Variants in ANGPT4 observed in about 807,000 individuals in gnomAD.
ANGPT4 encodes the protein angiopoietin-4.
A neutral mutation model predicts 53.0 loss-of-function variants in ANGPT4; 50 were observed. The observed-to-expected ratio is 0.94, with a 90% CI of 0.75 to 1.20. The LOEUF (loss-of-function observed/expected upper bound fraction) is 1.20. Ranked by LOEUF, ANGPT4 falls within the 50% of genes most tolerant of loss-of-function variation. The probability of loss-of-function intolerance (pLI) is 0.00; values close to 1 mark genes in which losing one functional copy is unlikely to be tolerated. For missense variants in ANGPT4, 648 were observed against 637.1 expected, an observed-to-expected ratio of 1.02 and a Z score of -0.18; for synonymous variants, 251 against 259.7, an observed-to-expected ratio of 0.97 and a Z score of 0.32.
intron 1 of ANGPT4, 77 bp downstream of exon 1, chr20:915,829 G>C: frequency 1.3e-6 from 2 of 1,487,666 alleles, no homozygotes; most frequent in South Asian, 1.4e-5. Context: ...AGGCCTCTTG[G>C]ATGGACACTC....
In ANGPT4 at chr20:910,895, G is replaced by T. The variant is rs547594779; in HGVS notation, c.309+5011C>A. ...GGGTATCTGTGCCAGCTGTTTCCAGGCCCCCTTCTTGGAAAAATCATCCCA... is the reference window on the plus strand; with the variant it reads ...GGGTATCTGTGCCAGCTGTTTCCAGTCCCCCTTCTTGGAAAAATCATCCCA... On this transcript the variant is annotated intron_variant, in intron 1 of 8. Coordinates refer to ENST00000381922, the MANE Select transcript of ANGPT4 (RefSeq NM_015985.4). 3.0e-4 allele frequency among the ~76,000 whole-genome samples: 46 copies of T among 151,456 alleles called. No individual in the cohort carries two copies. The South Asian group carries it at 8.2e-3, about 27-fold the overall frequency.
At chr20:895,651 C>G (rs573897571) in intron 1 of ANGPT4, among the ~76,000 whole-genome samples, 107 of 152,308 alleles carry the variant, frequency 7.0e-4, no homozygotes, top group Admixed American at 1.6e-3. Context: ...CTGCTTCTCT[C>G]CTGCATTATT....
chr20:900,791 G>A (rs1014553235), intron 1 of ANGPT4, among the ~76,000 whole-genome samples: 2 of 151,984 alleles, frequency 1.3e-5, no homozygotes, highest in African/African-American at 4.8e-5. Flanking sequence ...AAACTTGCCA[G>A]TCAAGCAAAT....
At chr20:907,287 T>C (rs1202050229) in intron 1 of ANGPT4, among the ~76,000 whole-genome samples, 2 of 151,952 alleles carry the variant, frequency 1.3e-5, no homozygotes, top group East Asian at 3.9e-4. Flanking sequence ...GCAGGTCCAG[T>C]GTTCATCCCA....
chr20:912,380 G>A (rs1246707612), intron 1 of ANGPT4, among the ~76,000 whole-genome samples: 1 of 152,194 alleles, frequency 6.6e-6, no homozygotes, highest in Admixed American at 6.5e-5. Context: ...GTCCTAGAGG[G>A]AGGGCATGGT....
At chr20:902,962 A>T (rs1025961346) in intron 1 of ANGPT4, among the ~76,000 whole-genome samples, 1 of 152,154 alleles carries the variant, frequency 6.6e-6, no homozygotes, top group African/African-American at 2.4e-5. Context: ...CACTTCCCTG[A>T]GGTCACCCAT....
At position 872,794 on chromosome 20, in the gene ANGPT4, G is replaced by C; in HGVS notation, c.*166C>G. On this transcript the variant is annotated 3_prime_UTR_variant, in exon 9 of 9. Coordinates refer to ENST00000381922, the MANE Select transcript of ANGPT4 (RefSeq NM_015985.4). ...CCATGTCACAGACGGAGGGGAGTTG[G>C]GGGGCAGATGACCCTTCTGGACTTC... is the stretch of plus-strand genomic sequence containing the variant. 1.3e-6 allele frequency: 1 copy of C among 785,850 alleles called. No individual in the cohort carries two copies. The highest frequency in any genetic ancestry group is 2.0e-6 in the Non-Finnish European group (1 of 491,772). 48.7% of individuals were successfully genotyped at this position (785,850 alleles called of 1,614,324 possible). A position where few individuals can be genotyped will look rare whatever the true frequency, so the allele number is the denominator to read the frequency against.
intron 1 of ANGPT4, among the ~76,000 whole-genome samples, chr20:899,545 C>T (rs547713768): frequency 4.6e-5 from 7 of 152,054 alleles, no homozygotes; most frequent in Non-Finnish European, 8.8e-5. Context: ...GAACCACCGC[C>T]CCCGGCCTGG....
At position 881,300 on chromosome 20, in the gene ANGPT4, A is replaced by C. The variant is rs776758325; in HGVS notation, c.836-14T>G. 7.4e-6 allele frequency: 12 copies of C among 1,612,346 alleles called. No individual in the cohort carries two copies. On this transcript the variant is annotated splice_polypyrimidine_tract_variant and intron_variant, in intron 4 of 8. Transcript: ENST00000381922. The stretch of plus-strand genomic sequence containing the variant: ...CCATTATGAAGGCTGCAAAGGGACA[A>C]CACAAAAGTCAGTTGGAGGTGGGCA...
In ANGPT4 at chr20:898,097, C is replaced by T. The variant is rs543760005; in HGVS notation, c.310-7729G>A. On this transcript the variant is annotated intron_variant, in intron 1 of 8. Coordinates refer to ENST00000381922, the MANE Select transcript of ANGPT4 (RefSeq NM_015985.4). ...CATCCCAAATCTTTTTTTTTCTCTC[C>T]TGTCTGTTTCCTTCCATCTCCACCC... 1.3e-3 allele frequency among the ~76,000 whole-genome samples: 198 copies of T among 152,172 alleles called. 5 individuals are homozygous for T. Among genetic ancestry groups the T allele is most frequent in the African/African-American group, 4.6e-3 (191 of 41,528 alleles).
At chr20:901,790 C>G (rs1432901567) in intron 1 of ANGPT4, among the ~76,000 whole-genome samples, 2 of 152,190 alleles carry the variant, frequency 1.3e-5, no homozygotes, top group Non-Finnish European at 2.9e-5. Context: ...TGGTGCATGC[C>G]TCTAGTCTCA....
intron 1 of ANGPT4, among the ~76,000 whole-genome samples, chr20:904,031 A>G (rs1982386993): frequency 6.6e-6 from 1 of 152,202 alleles, no homozygotes; most frequent in Admixed American, 6.5e-5. Flanking sequence ...ACGTATGAAA[A>G]TCTGGAGGGT....
intron 1 of ANGPT4, among the ~76,000 whole-genome samples, chr20:901,618 C>T (rs566443664): frequency 5.5e-4 from 84 of 152,300 alleles, no homozygotes; most frequent in African/African-American, 2.0e-3. Context: ...CTGTTAAAAA[C>T]AATGAGGTTG....
chr20:882,869 G>T (rs1981465076), intron 4 of ANGPT4, among the ~76,000 whole-genome samples: 1 of 152,238 alleles, frequency 6.6e-6, no homozygotes, highest in Non-Finnish European at 1.5e-5. Context: ...TTTCCAAGGT[G>T]TCATGTAATG....
intron 1 of ANGPT4, among the ~76,000 whole-genome samples, chr20:915,410 A>T (rs972900676): frequency 2.0e-5 from 3 of 151,964 alleles, no homozygotes; most frequent in African/African-American, 7.3e-5. Context: ...CGTTCCCTCA[A>T]ATACCTGCCT....
At chr20:897,023 C>T (rs1247819760) in intron 1 of ANGPT4, among the ~76,000 whole-genome samples, 4 of 152,114 alleles carry the variant, frequency 2.6e-5, no homozygotes, top group Non-Finnish European at 5.9e-5. Context: ...AATAAGTCTC[C>T]GTAGCTCCCC....
At chr20:892,247 A>T (rs576318074) in intron 1 of ANGPT4, among the ~76,000 whole-genome samples, 4 of 152,106 alleles carry the variant, frequency 2.6e-5, no homozygotes, top group Non-Finnish European at 5.9e-5. Context: ...CACTTAAAAA[A>T]CAACAACAAC....
chr20:894,083 G>C (rs774400207), intron 1 of ANGPT4, among the ~76,000 whole-genome samples: 1 of 152,040 alleles, frequency 6.6e-6, no homozygotes, highest in Non-Finnish European at 1.5e-5. Context: ...TTGCTGGCTC[G>C]AATGCCTGGG....
chr20:915,861 C>T (rs370336882), intron 1 of ANGPT4, 45 bp downstream of exon 1: 7 of 1,525,568 alleles, frequency 4.6e-6, no homozygotes, highest in Non-Finnish European at 6.2e-6. Context: ...TGTGACAGAC[C>T]CCAAAGCCGC....
Sources: allele counts gnomAD v4.1 joint callset (sites outside exome capture counted in the v4.1 genomes callset), GRCh38; gene constraint gnomAD v4.1.1; transcripts MANE v1.5; gene names NCBI Gene and HGNC (gene_info 2026-07-23, HGNC 2026-07-21).